Variants in RARB observed in about 807,000 individuals in gnomAD.
RARB encodes HBV-activated protein.
A neutral mutation model predicts 51.9 loss-of-function variants in RARB; 17 were observed. That is an observed-to-expected ratio of 0.33 (90% confidence interval 0.22 to 0.49). RARB has a LOEUF of 0.49. RARB is among the 20% of genes least tolerant of loss of function. The pLI, the probability that RARB is intolerant of heterozygous loss-of-function variation, is 0.99. For missense variants in RARB, 369 were observed against 550.8 expected, an observed-to-expected ratio of 0.67 and a Z score of 3.30; for synonymous variants, 215 against 195.4, an observed-to-expected ratio of 1.10 and a Z score of -0.84.
At chr3:25,058,100 T>C (rs1575140252) in intron 2 of RARB, among the ~76,000 whole-genome samples, 1 of 152,112 alleles carries the variant, frequency 6.6e-6, no homozygotes, top group African/African-American at 2.4e-5. Flanking sequence ...TTCACCTAAA[T>C]GGCACTGAGT....
At chr3:24,950,044 T>C (rs559690083) in intron 2 of RARB, among the ~76,000 whole-genome samples, 4 of 152,346 alleles carry the variant, frequency 2.6e-5, no homozygotes, top group Admixed American at 6.5e-5. Flanking sequence ...GAAATGTTAA[T>C]GTAGGTGAGC....
chr3:24,951,442 G>T (rs1695888924), intron 2 of RARB, among the ~76,000 whole-genome samples: 1 of 152,202 alleles, frequency 6.6e-6, no homozygotes, highest in African/African-American at 2.4e-5. Flanking sequence ...CAGAGGAAGA[G>T]TGTTGTAATC....
intron 5 of RARB, among the ~76,000 whole-genome samples, chr3:25,399,005 G>A (rs1707193457): frequency 6.6e-6 from 1 of 151,118 alleles, no homozygotes; most frequent in Admixed American, 6.6e-5. Flanking sequence ...GATTACATGT[G>A]GCAAAAGCAA....
intron 2 of RARB, among the ~76,000 whole-genome samples, chr3:25,485,278 C>T (rs1696407836): frequency 6.6e-6 from 1 of 152,106 alleles, no homozygotes; most frequent in South Asian, 2.1e-4. Flanking sequence ...AATTCTTGCT[C>T]CTAGGAGGTC....
chr3:25,144,382 G>A (rs1700155437), intron 4 of RARB, among the ~76,000 whole-genome samples: 1 of 152,090 alleles, frequency 6.6e-6, no homozygotes, highest in African/African-American at 2.4e-5. Context: ...CAGTTTTGAG[G>A]AGGTTCTGGA....
At chr3:24,840,742 T>TAAAAAAAAAAAAA (rs55771334) in intron 1 of RARB, among the ~76,000 whole-genome samples, 1 of 70,342 alleles carries the variant, frequency 1.4e-5, no homozygotes. Flanking sequence ...TGAGTAAGAG[T>TAAAAAAAAAAAAA]AAAAAAAAAA....
chr3:25,521,397 A>G (rs1698395086), intron 3 of RARB, among the ~76,000 whole-genome samples: 1 of 152,208 alleles, frequency 6.6e-6, no homozygotes, highest in Non-Finnish European at 1.5e-5. Context: ...TCCTGTTTCA[A>G]GGGTGAATCA....
chr3:24,844,943 ATGAC>A (rs1173875112), intron 1 of RARB, among the ~76,000 whole-genome samples: 1 of 152,154 alleles, frequency 6.6e-6, no homozygotes, highest in Non-Finnish European at 1.5e-5. Flanking sequence ...TGAAATCACA[ATGAC>A]CAACGTCTTC....
At chr3:24,937,466 C>T (rs775924614) in intron 2 of RARB, among the ~76,000 whole-genome samples, 15 of 152,164 alleles carry the variant, frequency 9.9e-5, no homozygotes, top group Non-Finnish European at 1.6e-4. Context: ...CCCAGCAACG[C>T]TTCCCCACCC....
At chr3:24,886,447 CT>C (rs35659222) in intron 2 of RARB, among the ~76,000 whole-genome samples, 150 of 143,978 alleles carry the variant, frequency 1.0e-3, no homozygotes, top group South Asian at 7.4e-3. Flanking sequence ...TGTAAACAAA[CT>C]TTTTTTTTTT....
At chr3:25,188,704 TA>T (rs1284340753) in intron 5 of RARB, among the ~76,000 whole-genome samples, 1 of 152,170 alleles carries the variant, frequency 6.6e-6, no homozygotes, top group African/African-American at 2.4e-5. Context: ...ATAATAATTA[TA>T]ACTACCATTT....
At chr3:25,239,493 G>T (rs1002075792) in intron 5 of RARB, among the ~76,000 whole-genome samples, 1 of 152,116 alleles carries the variant, frequency 6.6e-6, no homozygotes, top group African/African-American at 2.4e-5. Flanking sequence ...ATGAGAGATA[G>T]GAGTCCATTT....
chr3:25,440,476 T>A (rs976452131), intron 1 of RARB, among the ~76,000 whole-genome samples: 93 of 149,440 alleles, frequency 6.2e-4, no homozygotes, highest in African/African-American at 2.2e-3. Flanking sequence ...GAAATTTATT[T>A]AAAAAAAAAA....
intron 2 of RARB, among the ~76,000 whole-genome samples, chr3:25,472,586 A>G (rs1695750705): frequency 6.6e-6 from 1 of 152,218 alleles, no homozygotes; most frequent in African/African-American, 2.4e-5. Context: ...TGAGGAAACT[A>G]AGAATTTATG....
intron 1 of RARB, among the ~76,000 whole-genome samples, chr3:24,844,479 T>C (rs1412697110): frequency 1.3e-5 from 2 of 152,170 alleles, no homozygotes; most frequent in Non-Finnish European, 2.9e-5. Flanking sequence ...AATTTCCAAG[T>C]TGTTGGTTCC....
chr3:25,477,129 A>G (rs1695991395), intron 2 of RARB, among the ~76,000 whole-genome samples: 1 of 152,246 alleles, frequency 6.6e-6, no homozygotes, highest in South Asian at 2.1e-4. Context: ...TTGGCCAAGT[A>G]TGTCCTAACA....
In RARB at chr3:25,055,580, G is replaced by A. The variant is rs146016217; in HGVS notation, c.-379-4545G>A. ...TCTTTACAAATTTGGGAAACTAGCT[G>A]TCTTAAGTAGCTTTCTCCAGAAAAT... On this transcript the variant is annotated intron_variant, in intron 2 of 11. Transcript: ENST00000383772. Among the ~76,000 whole-genome samples the A allele has an allele frequency of 3.6e-3, 546 of 152,220 alleles. 4 individuals carry two copies. Among genetic ancestry groups the A allele is most frequent in the Non-Finnish European group, 5.2e-3 (352 of 67,994 alleles).
At chr3:25,177,192 CTG>C (rs1700772071) in intron 5 of RARB, among the ~76,000 whole-genome samples, 1 of 152,224 alleles carries the variant, frequency 6.6e-6, no homozygotes, top group African/African-American at 2.4e-5. Context: ...GAATATGACT[CTG>C]TTAGTTGGCC....
intron 2 of RARB, among the ~76,000 whole-genome samples, chr3:24,939,197 T>C (rs928802965): frequency 6.6e-6 from 1 of 152,320 alleles, no homozygotes; most frequent in East Asian, 1.9e-4. Flanking sequence ...TTGGCCAGGC[T>C]TCTCTCAAAC....
Sources: gnomAD v4.1 joint callset for allele counts (sites outside exome capture counted in the v4.1 genomes callset) on GRCh38, gnomAD v4.1.1 for gene constraint, MANE v1.5 for transcripts, NCBI Gene and HGNC (gene_info 2026-07-23, HGNC 2026-07-21) for gene names.